ARHGAP21: variants seen among roughly 807,000 people sequenced by gnomAD.
ARHGAP21 encodes rho GTPase-activating protein 21.
In ARHGAP21, 38 loss-of-function variants were observed where a neutral mutation model predicts 164.6. The ratio of observed to expected loss-of-function variants is 0.23; its 90% CI spans 0.18 to 0.30. The LOEUF is 0.30. ARHGAP21 is among the 10% of genes least tolerant of loss of function. The pLI, the probability that ARHGAP21 is intolerant of heterozygous loss-of-function variation, is 1.00. For synonymous variants in ARHGAP21, 766 were observed against 857.9 expected (o/e 0.89, Z 1.87); for missense variants, 1,822 against 2,370.7 (o/e 0.77, Z 4.81).
chr10:24,662,310 G>A (rs1839778041), intron 4 of ARHGAP21, among the ~76,000 whole-genome samples: 1 of 152,106 alleles, frequency 6.6e-6, no homozygotes, highest in Non-Finnish European at 1.5e-5. Flanking sequence ...TTAAAAAGAT[G>A]TTAACAGAAG....
intron 2 of ARHGAP21, among the ~76,000 whole-genome samples, chr10:24,680,692 A>C (rs1193917414): frequency 6.6e-6 from 1 of 152,160 alleles, no homozygotes; most frequent in Non-Finnish European, 1.5e-5. Context: ...AAGATAAAAA[A>C]AATATACATA....
chr10:24,695,462 C>T (rs1042278853), intron 2 of ARHGAP21, among the ~76,000 whole-genome samples: 6 of 151,012 alleles, frequency 4.0e-5, no homozygotes, highest in Admixed American at 2.6e-4. Context: ...CCAGCTACTC[C>T]GGAGGCTGAG....
chr10:24,695,043 T>C (rs1843036181), intron 2 of ARHGAP21, among the ~76,000 whole-genome samples: 4 of 44,982 alleles, frequency 8.9e-5, no homozygotes, highest in Admixed American at 4.0e-4. Flanking sequence ...AGAGCAAAAT[T>C]CCATCTCAAA....
chr10:24,687,438 A>G (rs1017425077), intron 2 of ARHGAP21, among the ~76,000 whole-genome samples: 2 of 152,224 alleles, frequency 1.3e-5, no homozygotes, highest in Non-Finnish European at 2.9e-5. Flanking sequence ...TTGTTGGGGA[A>G]TTGTTCTTAT....
Position 24,712,847 on chromosome 10 carries a change from T to C in ARHGAP21, c.63+8990A>G, listed in dbSNP as rs567601169. 3.9e-5 allele frequency among the ~76,000 whole-genome samples: 6 copies of C among 152,334 alleles called. No homozygotes were observed. The South Asian group carries it at 6.2e-4, about 16-fold the overall frequency. On this transcript the variant is annotated intron_variant, in intron 2 of 25. Transcript: ENST00000396432. ...TCACATCCACTACTAGCACATAATG[T>C]TTCCAGAAGCCAATATGCAGAACCC...
intron 4 of ARHGAP21, among the ~76,000 whole-genome samples, chr10:24,639,344 T>C (rs1836746797): frequency 6.6e-6 from 1 of 152,200 alleles, no homozygotes; most frequent in Non-Finnish European, 1.5e-5. Flanking sequence ...TTTACTGATC[T>C]GAAAAATGGG....
chr10:24,653,528 G>A (rs900375484), intron 4 of ARHGAP21, among the ~76,000 whole-genome samples: 2 of 151,750 alleles, frequency 1.3e-5, no homozygotes, highest in South Asian at 2.1e-4. Flanking sequence ...AGCTGAGATC[G>A]CGCCACTGTA....
intron 4 of ARHGAP21, among the ~76,000 whole-genome samples, chr10:24,635,929 G>C (rs537569864): frequency 6.6e-6 from 1 of 152,166 alleles, no homozygotes; most frequent in Non-Finnish European, 1.5e-5. Context: ...AGGGAGTCTG[G>C]TAGGAGGAGA....
chr10:24,661,201 G>T (rs1022735696), intron 4 of ARHGAP21, among the ~76,000 whole-genome samples: 1 of 150,290 alleles, frequency 6.7e-6, no homozygotes, highest in Non-Finnish European at 1.5e-5. Flanking sequence ...GGGAATACAG[G>T]ATGTCAGCAA....
chr10:24,628,133 T>C (rs903218987), intron 7 of ARHGAP21, among the ~76,000 whole-genome samples: 2 of 152,208 alleles, frequency 1.3e-5, no homozygotes, highest in African/African-American at 4.8e-5. Flanking sequence ...TTCATAGCCA[T>C]TGGTGTCTGT....
chr10:24,604,271 A>C (rs2076933887), intron 12 of ARHGAP21, 41 bp downstream of exon 12: 2 of 1,411,462 alleles, frequency 1.4e-6, no homozygotes, highest in South Asian at 2.9e-5. Context: ...CTTCTCTATG[A>C]AGAGATAAAC....
At position 24,595,033 on chromosome 10, in the gene ARHGAP21, C is replaced by T. The variant is rs777228450; in HGVS notation, c.3793G>A (p.Asp1265Asn). 6 of 1,612,554 alleles carry T rather than the reference C, an allele frequency of 3.7e-6. No homozygotes were observed. Among genetic ancestry groups the T allele is most frequent in the Non-Finnish European group, 4.2e-6 (5 of 1,178,942 alleles). The change falls in exon 21 of 26, where the codon GAT becomes AAT. Residue 1265 changes from aspartate to asparagine, a missense_variant. Transcript: ENST00000396432. ...GTTTCATAATGATGTTCAGGCAAAT[C>T]GTGAATCTGAAACAGATTATTTTCA... The part of the protein sequence containing the change: ...RLKTLKRLIH[D>N]LPEHHYETLK...
chr10:24,600,505 G>C, intron 14 of ARHGAP21, 141 bp downstream of exon 14: 1 of 1,077,248 alleles, frequency 9.3e-7, no homozygotes, highest in South Asian at 1.8e-5. Context: ...GTATGTTTGA[G>C]TTTTCCTTTT....
chr10:24,636,791 T>G (rs1438615040), intron 4 of ARHGAP21, among the ~76,000 whole-genome samples: 1 of 152,214 alleles, frequency 6.6e-6, no homozygotes, highest in Non-Finnish European at 1.5e-5. Flanking sequence ...CGAGTAGACA[T>G]CGGTCCAAAA....
At position 24,619,271 on chromosome 10, in the gene ARHGAP21, T is replaced by A. The variant is rs562923454; in HGVS notation, c.2422+202A>T. 8.7e-3 allele frequency among the ~76,000 whole-genome samples: 1,319 copies of A among 151,406 alleles called. 2 individuals are homozygous for A. Among genetic ancestry groups the A allele is most frequent in the East Asian group, 0.023 (117 of 5,156 alleles). On this transcript the variant is annotated intron_variant, in intron 9 of 25. Transcript: ENST00000396432. ...GTACATGAAGTTTTTGTTTTTTTTT[T>A]AAAAAAAGGAAAATTGGTACTAGAA...
rs374148337 is a variant in ARHGAP21 at position 24,620,535 on chromosome 10, G to A, written c.1360C>T (p.Arg454Trp). 15 of 1,612,698 alleles carry A rather than the reference G, an allele frequency of 9.3e-6. No individual in the cohort carries two copies. Among genetic ancestry groups the A allele is most frequent in the Middle Eastern group, 3.3e-4 (2 of 6,072 alleles). ...CTTTCTTGGGACACACTGCGTTGCC[G>A]TATCTGGACAGACTGGGGCACTCGA... ...HDRVPQSVQI[R>W]QRSVSQERLE... The change falls in exon 9 of 26, where the codon CGG becomes TGG. Residue 454 changes from arginine to tryptophan, a missense_variant. This residue lies in a region of ARHGAP21 where 1,090 missense variants were observed against 1,378.9 expected (regional missense o/e 0.79). Transcript: ENST00000396432.
At chr10:24,700,665 C>T (rs1024518992) in intron 2 of ARHGAP21, among the ~76,000 whole-genome samples, 3 of 152,158 alleles carry the variant, frequency 2.0e-5, no homozygotes, top group African/African-American at 7.2e-5. Flanking sequence ...AATTTTTCTA[C>T]ATAATTATTT....
chr10:24,640,694 A>G (rs1031242240), intron 4 of ARHGAP21, among the ~76,000 whole-genome samples: 1 of 152,204 alleles, frequency 6.6e-6, no homozygotes, highest in Non-Finnish European at 1.5e-5. Flanking sequence ...AAAATAACTG[A>G]AACCCCAACA....
chr10:24,656,584 G>A (rs1272833004), intron 4 of ARHGAP21, among the ~76,000 whole-genome samples: 21 of 77,552 alleles, frequency 2.7e-4, no homozygotes, highest in South Asian at 5.4e-4. Context: ...TCAGCCCTCC[G>A]CCCAGCCAGC....
Sources: gnomAD v4.1 joint callset for allele counts (sites outside exome capture counted in the v4.1 genomes callset) on GRCh38, gnomAD v4.1.1 for gene constraint, gnomAD v4.1.1 regional missense constraint, MANE v1.5 for transcripts, NCBI Gene and HGNC (gene_info 2026-07-23, HGNC 2026-07-21) for gene names.